The following PCNX1 variants were observed in gnomAD, a reference collection of about 807,000 sequenced individuals.
The protein encoded by PCNX1 is pecanex 1, also known as pecanex-like protein 1.
Under a neutral mutation model 242.2 loss-of-function variants are expected in PCNX1, and 78 were observed. The observed-to-expected ratio is 0.32, with a 90% CI of 0.27 to 0.39. The LOEUF is 0.39. Among genes scored for constraint, PCNX1 ranks in the 10% least tolerant of loss-of-function variants. The pLI is 1.00. For synonymous variants in PCNX1, 1,024 were observed against 1,032.9 expected, an observed-to-expected ratio of 0.99 and a Z score of 0.17; for missense variants, 2,581 against 2,856.5, an observed-to-expected ratio of 0.90 and a Z score of 2.20.
chr14:71,090,119 T>C (rs1388355631), intron 30 of PCNX1, among the ~76,000 whole-genome samples: 1 of 152,236 alleles, frequency 6.6e-6, no homozygotes, highest in Non-Finnish European at 1.5e-5. Context: ...CTGCTGTTAC[T>C]GAATGATGAA....
At chr14:71,097,834 TTA>T in intron 30 of PCNX1, among the ~76,000 whole-genome samples, 1 of 152,210 alleles carries the variant, frequency 6.6e-6, no homozygotes, top group South Asian at 2.1e-4. Flanking sequence ...CTTTTAGGAC[TTA>T]GTCATAAATT....
At chr14:70,968,176 T>G in intron 3 of PCNX1, 22 bp from the exon 4 acceptor site, 1 of 1,593,482 alleles carries the variant, frequency 6.3e-7, no homozygotes, top group East Asian at 2.2e-5. Context: ...TTAGTTTTAT[T>G]TACTTCATGT....
intron 8 of PCNX1, among the ~76,000 whole-genome samples, chr14:70,997,169 A>C (rs1347439605): frequency 6.6e-6 from 1 of 152,158 alleles, no homozygotes; most frequent in East Asian, 1.9e-4. Context: ...TACTTGTTTT[A>C]GTTGTAAGCA....
At chr14:70,912,601 CTG>C (rs1266832115) in intron 1 of PCNX1, among the ~76,000 whole-genome samples, 1 of 151,758 alleles carries the variant, frequency 6.6e-6, no homozygotes, top group Non-Finnish European at 1.5e-5. Flanking sequence ...ATGGCACTGT[CTG>C]TATCTAGTTG....
intron 13 of PCNX1, 127 bp downstream of exon 13, chr14:71,023,359 T>C: frequency 1.4e-6 from 1 of 690,650 alleles, no homozygotes; most frequent in Non-Finnish European, 2.6e-6. Context: ...ATGTTATTAT[T>C]TTCCTCATCT....
rs149798696 is a variant in PCNX1, at chr14:71,040,787, C to T, written c.3868-4346C>T. ...TACTAGATCTTGTTCATTCTTTCTA[C>T]ACTTTTTGTACCCATTAACCATTGC... On this transcript the variant is annotated intron_variant, in intron 19 of 35. Coordinates refer to ENST00000304743, the MANE Select transcript of PCNX1 (RefSeq NM_014982.3). Among the ~76,000 whole-genome samples the T allele has an allele frequency of 5.2e-3, 793 of 152,162 alleles. 10 individuals carry two copies. Among genetic ancestry groups the T allele is most frequent in the African/African-American group, 0.018 (736 of 41,536 alleles).
chr14:70,979,936 G>A (rs1263428413), intron 6 of PCNX1, among the ~76,000 whole-genome samples: 1 of 150,486 alleles, frequency 6.6e-6, no homozygotes, highest in Admixed American at 6.6e-5. Context: ...AAATTCCCTC[G>A]AGTCTTTGAC....
At chr14:71,039,123 G>A (rs1325651068) in intron 19 of PCNX1, among the ~76,000 whole-genome samples, 1 of 151,846 alleles carries the variant, frequency 6.6e-6, no homozygotes, top group East Asian at 1.9e-4. Flanking sequence ...CCTAATGCTA[G>A]ATGACGAGTT....
chr14:71,026,102 A>T lies in PCNX1; in HGVS notation c.3184-15A>T, dbSNP rs1161614194. On this transcript the variant is annotated splice_polypyrimidine_tract_variant and intron_variant, in intron 13 of 35. Coordinates refer to ENST00000304743, the MANE Select transcript of PCNX1 (RefSeq NM_014982.3). ...AAAATTAACCAAACTGACTTTTAAA[A>T]AATATCATTTTCAGGGTCATAATCG... The T allele has an allele frequency of 2.0e-6, 3 of 1,512,642 alleles. No homozygotes were observed. Among genetic ancestry groups the T allele is most frequent in the Non-Finnish European group, 2.7e-6 (3 of 1,118,606 alleles). The allele number at this position is 1,512,642 out of a possible 1,614,324, so 93.7% of individuals were successfully genotyped here. A position where few individuals can be genotyped will look rare whatever the true frequency, so the allele number is the denominator to read the frequency against.
intron 23 of PCNX1, 29 bp downstream of exon 23, chr14:71,050,789 A>G (rs761816755): frequency 1.9e-6 from 3 of 1,594,494 alleles, no homozygotes; most frequent in Admixed American, 3.4e-5. Flanking sequence ...TTTTATAAGA[A>G]TGGACAGTCA....
At chr14:70,914,849 G>A (rs1461769410) in intron 1 of PCNX1, among the ~76,000 whole-genome samples, 2 of 152,178 alleles carry the variant, frequency 1.3e-5, no homozygotes, top group African/African-American at 4.8e-5. Flanking sequence ...CATTCGATGA[G>A]TTTTGATAAA....
At chr14:70,969,343 TG>T (rs2058472551) in intron 5 of PCNX1, 2 of 431,218 alleles carry the variant, frequency 4.6e-6, no homozygotes, top group South Asian at 5.7e-5. Context: ...AGAAATTCTA[TG>T]AGCATATGCC....
rs904698507 is a variant in PCNX1 at position 71,023,288 on chromosome 14, T to G, written c.3183+56T>G. 5.2e-6 allele frequency: 7 copies of G among 1,339,264 alleles called. No homozygotes were observed. The South Asian group carries it at 7.4e-5, about 14-fold the overall frequency. The allele number at this position is 1,339,264 out of a possible 1,614,324, so 83.0% of individuals were successfully genotyped here. A position where few individuals can be genotyped will look rare whatever the true frequency, so the allele number is the denominator to read the frequency against. ...TAGGTCCTTAACATTTATCATAATATTTGTGGTTTGTTTTTTGTTTTTTTG... is the reference window on the plus strand; with the variant it reads ...TAGGTCCTTAACATTTATCATAATAGTTGTGGTTTGTTTTTTGTTTTTTTG... On this transcript the variant is annotated intron_variant, in intron 13 of 35. Transcript: ENST00000304743.
At chr14:71,039,236 TAAA>T (rs909198254) in intron 19 of PCNX1, among the ~76,000 whole-genome samples, 3 of 151,638 alleles carry the variant, frequency 2.0e-5, no homozygotes, top group African/African-American at 4.8e-5. Flanking sequence ...AAAAAAAAAT[TAAA>T]AAAACAAAAA....
intron 5 of PCNX1, among the ~76,000 whole-genome samples, chr14:70,976,640 T>C (rs1244149959): frequency 6.6e-6 from 1 of 152,194 alleles, no homozygotes; most frequent in Non-Finnish European, 1.5e-5. Context: ...CCCAAAGTGC[T>C]GGGATTACAA....
chr14:71,072,926 A>G (rs2141422591), intron 26 of PCNX1, among the ~76,000 whole-genome samples: 1 of 152,322 alleles, frequency 6.6e-6, no homozygotes, highest in Middle Eastern at 3.4e-3. Flanking sequence ...TTGGTCCTTC[A>G]TTTGATACAA....
chr14:71,059,798 A>G (rs1472165236), intron 26 of PCNX1, among the ~76,000 whole-genome samples: 3 of 152,110 alleles, frequency 2.0e-5, no homozygotes, highest in Admixed American at 6.6e-5. Flanking sequence ...AACACATCCT[A>G]TGGTACTCTG....
chr14:71,007,250 TTTAATA>T (rs1365072040), intron 8 of PCNX1, among the ~76,000 whole-genome samples: 2 of 152,060 alleles, frequency 1.3e-5, no homozygotes, highest in Non-Finnish European at 2.9e-5. Context: ...TCTATGTAAA[TTTAATA>T]TTAGATATTT....
chr14:71,084,301 C>T (rs557301570), intron 28 of PCNX1, among the ~76,000 whole-genome samples: 6 of 152,304 alleles, frequency 3.9e-5, no homozygotes, highest in Non-Finnish European at 5.9e-5. Flanking sequence ...GCCCGGGAGG[C>T]GTCTCCCAGT....
Sources: allele counts gnomAD v4.1 joint callset (sites outside exome capture counted in the v4.1 genomes callset), GRCh38; gene constraint gnomAD v4.1.1; transcripts MANE v1.5; gene names NCBI Gene and HGNC (gene_info 2026-07-23, HGNC 2026-07-21).